The following FSTL5 variants were observed in gnomAD, a reference collection of about 807,000 sequenced individuals.
The protein encoded by FSTL5 is follistatin like 5.
A neutral mutation model predicts 89.1 loss-of-function variants in FSTL5; 62 were observed. That is an observed-to-expected ratio of 0.70 (90% CI 0.57 to 0.86). The LOEUF is 0.86. Among genes scored for constraint, FSTL5 ranks in the 40% least tolerant of loss-of-function variants. The pLI, the probability that FSTL5 is intolerant of heterozygous loss-of-function variation, is 0.00. For synonymous variants in FSTL5, 383 were observed against 346.2 expected (o/e 1.11, Z -1.18); for missense variants, 1,057 against 1,001.6 (o/e 1.06, Z -0.75).
At chr4:161,489,468 T>C (rs138839075) in intron 12 of FSTL5, among the ~76,000 whole-genome samples, 20 of 152,328 alleles carry the variant, frequency 1.3e-4, no homozygotes, top group African/African-American at 4.8e-4. Context: ...GGACAACTAC[T>C]AGATGTATAT....
At chr4:162,025,290 T>A (rs1220866179) in intron 3 of FSTL5, among the ~76,000 whole-genome samples, 1 of 152,176 alleles carries the variant, frequency 6.6e-6, no homozygotes, top group Non-Finnish European at 1.5e-5. Context: ...AATTTTAACA[T>A]TATATGAAAT....
At chr4:161,411,309 G>C (rs748674778) in intron 15 of FSTL5, among the ~76,000 whole-genome samples, 4 of 151,896 alleles carry the variant, frequency 2.6e-5, no homozygotes, top group Non-Finnish European at 5.9e-5. Context: ...AATTGAGAAG[G>C]AGGAGTTCCT....
chr4:161,567,933 G>A (rs1560957448), intron 8 of FSTL5, among the ~76,000 whole-genome samples: 1 of 151,928 alleles, frequency 6.6e-6, no homozygotes, highest in African/African-American at 2.4e-5. Flanking sequence ...AAGAATCATT[G>A]GCTTGGTGTG....
At chr4:161,456,296 A>C (rs1553988063) in intron 14 of FSTL5, among the ~76,000 whole-genome samples, 1 of 152,216 alleles carries the variant, frequency 6.6e-6, no homozygotes, top group Non-Finnish European at 1.5e-5. Flanking sequence ...TTTAAAAGTA[A>C]AATAAATAAA....
intron 4 of FSTL5, among the ~76,000 whole-genome samples, chr4:161,832,995 C>T (rs1485287860): frequency 6.7e-6 from 1 of 149,938 alleles, no homozygotes; most frequent in Non-Finnish European, 1.5e-5. Flanking sequence ...TTGGATCTTT[C>T]CTGCTTTCTC....
At chr4:161,872,833 T>A (rs1268941362) in intron 4 of FSTL5, among the ~76,000 whole-genome samples, 1 of 152,166 alleles carries the variant, frequency 6.6e-6, no homozygotes, top group Non-Finnish European at 1.5e-5. Context: ...ATGTTTTTTA[T>A]TTGAGAAACA....
chr4:161,831,978 A>G (rs1730861012), intron 4 of FSTL5, among the ~76,000 whole-genome samples: 1 of 152,038 alleles, frequency 6.6e-6, no homozygotes, highest in Admixed American at 6.6e-5. Context: ...GACATTGACC[A>G]GTTAAAACCA....
rs5863477 is a variant in FSTL5 at position 161,726,227 on chromosome 4, C to CTTTTTTT, written c.727+33177_727+33183dup. 7.7e-3 allele frequency among the ~76,000 whole-genome samples: 876 copies of CTTTTTTT among 113,454 alleles called. 1 individual carries two copies. Among genetic ancestry groups the CTTTTTTT allele is most frequent in the Non-Finnish European group, 0.01 (617 of 59,380 alleles). 74.4% of individuals were successfully genotyped at this position (113,454 alleles called of 152,430 possible). On this transcript the variant is annotated intron_variant, in intron 6 of 15. Transcript: ENST00000306100. ...CTCTTTTTTTTTCTTTTTTCTTTTTCTTTTTTTTTTTTTTTTTGAGACGGA... is the reference window on the plus strand; with the variant it reads ...CTCTTTTTTTTTCTTTTTTCTTTTTCTTTTTTTTTTTTTTTTTTTTTTTTGAGACGGA...
At chr4:161,612,089 T>C (rs1435069142) in intron 7 of FSTL5, among the ~76,000 whole-genome samples, 2 of 152,232 alleles carry the variant, frequency 1.3e-5, no homozygotes, top group African/African-American at 4.8e-5. Context: ...TTTCTTCACA[T>C]TGTGTTCTTT....
At chr4:161,877,573 TC>T (rs1732487271) in intron 4 of FSTL5, among the ~76,000 whole-genome samples, 1 of 151,374 alleles carries the variant, frequency 6.6e-6, no homozygotes, top group Non-Finnish European at 1.5e-5. Context: ...ACTCCTGTAA[TC>T]CCAGCACTTT....
chr4:161,693,479 A>G (rs1455560944), intron 6 of FSTL5, among the ~76,000 whole-genome samples: 1 of 152,082 alleles, frequency 6.6e-6, no homozygotes, highest in African/African-American at 2.4e-5. Flanking sequence ...TAGATTTATG[A>G]TAACTGACTC....
At chr4:161,986,020 T>C (rs142396089) in intron 3 of FSTL5, among the ~76,000 whole-genome samples, 138 of 152,234 alleles carry the variant, frequency 9.1e-4, no homozygotes, top group African/African-American at 3.1e-3. Flanking sequence ...AAAAATTCCA[T>C]GTAGACATAC....
At chr4:161,758,925 G>C (rs1038129337) in intron 6 of FSTL5, among the ~76,000 whole-genome samples, 3 of 152,002 alleles carry the variant, frequency 2.0e-5, no homozygotes, top group Non-Finnish European at 4.4e-5. Flanking sequence ...GACACACTTC[G>C]GCAATTCAAA....
At chr4:161,643,483 T>TC (rs1553954141) in intron 7 of FSTL5, among the ~76,000 whole-genome samples, 40 of 150,994 alleles carry the variant, frequency 2.6e-4, no homozygotes, top group East Asian at 2.5e-3. Flanking sequence ...TTTTTTTTTT[T>TC]CCCCTTTTCA....
At chr4:161,847,757 C>T (rs113313149) in intron 4 of FSTL5, among the ~76,000 whole-genome samples, 11,806 of 151,954 alleles carry the variant, frequency 0.078, 531 homozygotes, top group African/African-American at 0.12. Context: ...CAAGACACTG[C>T]CAGGTGCGGT....
At chr4:161,883,655 T>G (rs1172834663) in intron 4 of FSTL5, among the ~76,000 whole-genome samples, 2 of 152,178 alleles carry the variant, frequency 1.3e-5, no homozygotes, top group Non-Finnish European at 2.9e-5. Flanking sequence ...CAGGTACCTA[T>G]TTCTAATAAC....
intron 12 of FSTL5, among the ~76,000 whole-genome samples, chr4:161,487,437 C>G (rs937355412): frequency 6.6e-6 from 1 of 152,046 alleles, no homozygotes; most frequent in East Asian, 1.9e-4. Flanking sequence ...TGAAAATAAC[C>G]ATTTAGAAAC....
intron 2 of FSTL5, among the ~76,000 whole-genome samples, chr4:162,102,788 A>ATATTTAT (rs1579029473): frequency 1.4e-5 from 2 of 147,600 alleles, no homozygotes; most frequent in East Asian, 2.0e-4. Flanking sequence ...ATATTTATAT[A>ATATTTAT]TGGAGTGATC....
rs1332738768 is a variant in FSTL5 at position 161,530,365 on chromosome 4, GATA to G, written c.1312+7798_1312+7800del. On this transcript the variant is annotated intron_variant, in intron 10 of 15. Coordinates refer to ENST00000306100, the MANE Select transcript of FSTL5 (RefSeq NM_020116.5). The stretch of plus-strand genomic sequence containing the variant: ...TTAGCAATTATGCTTATTTCATTTT[GATA>G]ATAATTATTAACTTACATAAATAGT... Among the ~76,000 whole-genome samples the G allele has an allele frequency of 4.3e-4, 60 of 140,384 alleles. 8 individuals are homozygous for G. Among genetic ancestry groups the G allele is most frequent in the Non-Finnish European group, 7.8e-4 (50 of 64,350 alleles). 92.1% of individuals were successfully genotyped at this position (140,384 alleles called of 152,430 possible).
Sources: allele counts gnomAD v4.1 joint callset (sites outside exome capture counted in the v4.1 genomes callset), GRCh38; gene constraint gnomAD v4.1.1; transcripts MANE v1.5; gene names NCBI Gene and HGNC (gene_info 2026-07-23, HGNC 2026-07-21).